VPS4B: variants seen among roughly 807,000 people sequenced by gnomAD.
The protein encoded by VPS4B is vacuolar protein sorting-associated protein 4B.
A neutral mutation model predicts 56.1 loss-of-function variants in VPS4B; 23 were observed. The ratio of observed to expected loss-of-function variants is 0.41; its 90% CI spans 0.30 to 0.58. The LOEUF (loss-of-function observed/expected upper bound fraction) is 0.58. Among genes scored for constraint, VPS4B ranks in the 20% least tolerant of loss-of-function variants. The pLI, the probability that VPS4B is intolerant of heterozygous loss-of-function variation, is 0.29. For synonymous variants in VPS4B, 177 were observed against 186.0 expected, an observed-to-expected ratio of 0.95 and a Z score of 0.39; for missense variants, 372 against 531.9, an observed-to-expected ratio of 0.70 and a Z score of 2.96.
intron 9 of VPS4B, chr18:63,396,754 C>T (rs929347905): frequency 8.3e-5 from 30 of 360,864 alleles, no homozygotes; most frequent in African/African-American, 2.1e-4. Flanking sequence ...TTTGGGAGGC[C>T]GAGGTGGGTG....
chr18:63,413,402 A>G (rs1017046020), intron 1 of VPS4B, among the ~76,000 whole-genome samples: 3 of 152,092 alleles, frequency 2.0e-5, no homozygotes, highest in African/African-American at 7.2e-5. Flanking sequence ...GACCAGGCGT[A>G]GCGGCATGCG....
chr18:63,398,190 T>TACACACACACAC (rs967159935), intron 8 of VPS4B, among the ~76,000 whole-genome samples: 1 of 132,818 alleles, frequency 7.5e-6, no homozygotes, highest in African/African-American at 3.0e-5. Context: ...TATACATATA[T>TACACACACACAC]ACACACACAC....
intron 4 of VPS4B, among the ~76,000 whole-genome samples, chr18:63,405,521 A>C (rs1041449618): frequency 1.3e-5 from 2 of 152,206 alleles, no homozygotes; most frequent in Non-Finnish European, 2.9e-5. Context: ...CTCCTTTCAT[A>C]TTCTATTTCA....
intron 1 of VPS4B, among the ~76,000 whole-genome samples, chr18:63,416,680 T>C (rs1916172588): frequency 6.6e-6 from 1 of 152,178 alleles, no homozygotes; most frequent in Non-Finnish European, 1.5e-5. Flanking sequence ...ATGCTAGAGC[T>C]GATCTACAAG....
At chr18:63,408,486 C>T (rs796519420) in intron 3 of VPS4B, among the ~76,000 whole-genome samples, 15 of 152,278 alleles carry the variant, frequency 9.9e-5, no homozygotes, top group African/African-American at 3.6e-4. Flanking sequence ...AAAACCCTGC[C>T]GTTTCTCATC....
chr18:63,404,733 C>G (rs879355581), intron 4 of VPS4B: 2 of 152,160 alleles, frequency 1.3e-5, no homozygotes, highest in Non-Finnish European at 2.9e-5. Context: ...TGTAACAGAA[C>G]ACCACCACTT....
At position 63,422,348 on chromosome 18, in the gene VPS4B, C is replaced by T; in HGVS notation, c.-89G>A. ...GAAGCGCGCACGGGGTAACAGCCCT[C>T]AAACTGGGGAGGCCGGTGGTTCTCG... On this transcript the variant is annotated 5_prime_UTR_variant, in exon 1 of 11. Coordinates refer to ENST00000238497, the MANE Select transcript of VPS4B (RefSeq NM_004869.4). 7.7e-7 allele frequency: 1 copy of T among 1,296,152 alleles called. No individual in the cohort carries two copies. The highest frequency in any genetic ancestry group is 3.0e-5 in the East Asian group (1 of 33,866). 80.3% of individuals were successfully genotyped at this position (1,296,152 alleles called of 1,614,324 possible). A position where few individuals can be genotyped will look rare whatever the true frequency, so the allele number is the denominator to read the frequency against.
chr18:63,394,375 A>G (rs755608113), intron 9 of VPS4B, among the ~76,000 whole-genome samples: 7 of 152,236 alleles, frequency 4.6e-5, no homozygotes, highest in African/African-American at 7.2e-5. Context: ...CAACTTATTT[A>G]TAAGTTTTAA....
intron 2 of VPS4B, 102 bp downstream of exon 2, chr18:63,411,365 A>G: frequency 1.2e-6 from 1 of 810,424 alleles, no homozygotes. Flanking sequence ...TAACAAATGG[A>G]TCGTTTAGAA....
chr18:63,391,981 G>C (rs940407904), intron 10 of VPS4B, among the ~76,000 whole-genome samples: 13 of 152,064 alleles, frequency 8.5e-5, no homozygotes, highest in African/African-American at 2.9e-4. Context: ...CTTCAAAGCT[G>C]AACAAAGTAC....
chr18:63,397,173 T>G lies in VPS4B; in HGVS notation c.953A>C (p.Gln318Pro). Residue 318 changes from glutamine (Q) to proline (P), a missense_variant, in exon 9 of 11, where the codon CAG (glutamine) becomes CCG (proline). Gln to Pro is a moderately conservative substitution (Grantham distance 76). Coordinates refer to ENST00000238497, the MANE Select transcript of VPS4B (RefSeq NM_004869.4). ...AAAGTCTGCTTCCGTGAGACTGTTCTGAGTGGTCCCTAGGTGCAGTTTAAA... is the reference window on the plus strand; with the variant it reads ...AAAGTCTGCTTCCGTGAGACTGTTCGGAGTGGTCCCTAGGTGCAGTTTAAA... ...AMFKLHLGTT[Q>P]NSLTEADFRE... The G allele has an allele frequency of 6.2e-7, 1 of 1,614,234 alleles. No homozygotes were observed. Among genetic ancestry groups the G allele is most frequent in the Non-Finnish European group, 8.5e-7 (1 of 1,180,040 alleles).
At chr18:63,401,323 C>T (rs1319300228) in intron 5 of VPS4B, among the ~76,000 whole-genome samples, 10 of 152,064 alleles carry the variant, frequency 6.6e-5, no homozygotes, top group East Asian at 1.9e-4. Flanking sequence ...GGTGCGATCT[C>T]GGCTCACTGC....
At chr18:63,408,917 G>A (rs1915974830) in intron 3 of VPS4B, among the ~76,000 whole-genome samples, 1 of 152,192 alleles carries the variant, frequency 6.6e-6, no homozygotes, top group South Asian at 2.1e-4. Context: ...ATGGACAAGG[G>A]AAGAGAAGCT....
intron 8 of VPS4B, 38 bp downstream of exon 8, chr18:63,399,204 C>A (rs749713172): frequency 3.2e-5 from 49 of 1,511,538 alleles, no homozygotes; most frequent in Admixed American, 2.3e-4. Context: ...CTTGTTACAT[C>A]TGCAGTGAGA....
chr18:63,421,185 C>A (rs1468396404), intron 1 of VPS4B, among the ~76,000 whole-genome samples: 1 of 151,994 alleles, frequency 6.6e-6, no homozygotes, highest in Non-Finnish European at 1.5e-5. Flanking sequence ...TCTTCTAGGT[C>A]GATTTTCAAG....
intron 10 of VPS4B, 42 bp downstream of exon 10, chr18:63,393,367 A>G (rs778448300): frequency 7.2e-6 from 11 of 1,530,344 alleles, no homozygotes; most frequent in Admixed American, 2.1e-5. Context: ...ATGAAGTATA[A>G]TGTTTTAAAA....
chr18:63,407,251 A>C (rs1468337914), intron 4 of VPS4B, 181 bp downstream of exon 4: 8 of 581,818 alleles, frequency 1.4e-5, no homozygotes, highest in Non-Finnish European at 2.4e-5. Context: ...CCAAACCATG[A>C]TCCTAGAGGG....
At chr18:63,407,765 T>C (rs1356764577) in intron 3 of VPS4B, among the ~76,000 whole-genome samples, 1 of 152,218 alleles carries the variant, frequency 6.6e-6, no homozygotes, top group African/African-American at 2.4e-5. Flanking sequence ...TATTTAGGTA[T>C]GTATTAATTC....
At chr18:63,420,874 C>T (rs902695908) in intron 1 of VPS4B, among the ~76,000 whole-genome samples, 1 of 151,740 alleles carries the variant, frequency 6.6e-6, no homozygotes, top group African/African-American at 2.4e-5. Flanking sequence ...ATCTCTACTA[C>T]TAAAAATACA....
Sources: gnomAD v4.1 joint callset for allele counts (sites outside exome capture counted in the v4.1 genomes callset) on GRCh38, gnomAD v4.1.1 for gene constraint, MANE v1.5 for transcripts, NCBI Gene and HGNC (gene_info 2026-07-23, HGNC 2026-07-21) for gene names.